TMEM63C: variants seen among roughly 807,000 people sequenced by gnomAD.
TMEM63C encodes the protein transmembrane protein 63C.
Under a neutral mutation model 99.2 loss-of-function variants are expected in TMEM63C, and 32 were observed. The ratio of observed to expected loss-of-function variants is 0.32; its 90% confidence interval spans 0.24 to 0.43. TMEM63C has a LOEUF of 0.43. Among genes scored for constraint, TMEM63C ranks in the 20% least tolerant of loss-of-function variants. TMEM63C has a pLI of 1.00. For missense variants in TMEM63C, 826 were observed against 1,053.0 expected (o/e 0.78, Z 2.98); for synonymous variants, 376 against 397.9 (o/e 0.94, Z 0.66).
At chr14:77,234,043 T>A (rs554076031) in intron 8 of TMEM63C, among the ~76,000 whole-genome samples, 7 of 152,166 alleles carry the variant, frequency 4.6e-5, no homozygotes, top group Non-Finnish European at 1.0e-4. Context: ...TCTAAGCTCC[T>A]TCCCCTCACA....
intron 1 of TMEM63C, among the ~76,000 whole-genome samples, chr14:77,198,460 T>G (rs1355974925): frequency 6.6e-6 from 1 of 152,202 alleles, no homozygotes; most frequent in Non-Finnish European, 1.5e-5. Flanking sequence ...GTCTGTGAAA[T>G]GCGGAGGATA....
At chr14:77,229,328 CAG>C (rs1888892712) in intron 6 of TMEM63C, among the ~76,000 whole-genome samples, 1 of 151,998 alleles carries the variant, frequency 6.6e-6, no homozygotes, top group South Asian at 2.1e-4. Flanking sequence ...ATCTGGGAGA[CAG>C]AGGTTGCAGT....
chr14:77,218,034 A>G (rs1336446909), intron 2 of TMEM63C, among the ~76,000 whole-genome samples: 4 of 152,176 alleles, frequency 2.6e-5, no homozygotes, highest in Non-Finnish European at 5.9e-5. Context: ...CAGGGTGACT[A>G]TAGTCAAAAA....
chr14:77,218,838 A>C lies in TMEM63C; in HGVS notation c.25A>C (p.Ser9Arg). ...GATGTCTGCCTCACCAGACGACCTG[A>C]GTACAGGGGGAAGGTTACAGAACAT... MSASPDDL[S>R]TGGRLQNMTV... Residue 9 changes from serine to arginine, a missense_variant, in exon 3 of 24, where the codon AGT becomes CGT. By Grantham distance (110) the Ser-to-Arg change is moderately radical (BLOSUM62 -1). Transcript: ENST00000298351. 6.2e-7 allele frequency: 1 copy of C among 1,613,548 alleles called. No individual in the cohort carries two copies. Among genetic ancestry groups the C allele is most frequent in the South Asian group, 1.1e-5 (1 of 90,950 alleles).
At chr14:77,207,189 A>G (rs1399899700) in intron 1 of TMEM63C, among the ~76,000 whole-genome samples, 1 of 152,220 alleles carries the variant, frequency 6.6e-6, no homozygotes, top group Non-Finnish European at 1.5e-5. Flanking sequence ...CTTCCTGGCA[A>G]GGAGAGGCAT....
chr14:77,205,365 T>C (rs1264930194), intron 1 of TMEM63C, among the ~76,000 whole-genome samples: 3 of 152,224 alleles, frequency 2.0e-5, no homozygotes, highest in Non-Finnish European at 2.9e-5. Flanking sequence ...CTTCTCACAC[T>C]GCGTTATCAC....
At chr14:77,244,280 A>G (rs1044870032) in intron 15 of TMEM63C, 69 bp from the exon 16 acceptor site, 12 of 1,203,028 alleles carry the variant, frequency 1.0e-5, no homozygotes, top group African/African-American at 3.0e-5. Context: ...GAGTGGGAGG[A>G]GAAGAAGCAA....
intron 23 of TMEM63C, among the ~76,000 whole-genome samples, chr14:77,254,394 T>G (rs8017563): frequency 0.049 from 7,528 of 152,156 alleles, 427 homozygotes; most frequent in African/African-American, 0.15. Context: ...TGAAAAACCC[T>G]ACACACAGGC....
At chr14:77,184,388 C>T (rs571872610) in intron 1 of TMEM63C, among the ~76,000 whole-genome samples, 5 of 152,162 alleles carry the variant, frequency 3.3e-5, no homozygotes, top group South Asian at 2.1e-4. Context: ...CTAGTGGCAC[C>T]GTGGAGCTTC....
At chr14:77,232,137 A>G (rs1241581597) in intron 7 of TMEM63C, among the ~76,000 whole-genome samples, 2 of 152,234 alleles carry the variant, frequency 1.3e-5, no homozygotes, top group Non-Finnish European at 2.9e-5. Context: ...TCATTGGAAC[A>G]GGGTGAGCCC....
intron 5 of TMEM63C, 25 bp downstream of exon 5, chr14:77,220,112 G>T: frequency 1.3e-6 from 2 of 1,549,212 alleles, no homozygotes; most frequent in Non-Finnish European, 1.7e-6. Flanking sequence ...CGGTCTGGGC[G>T]GTGGGAGTCC....
intron 23 of TMEM63C, among the ~76,000 whole-genome samples, chr14:77,255,659 A>G (rs534933331): frequency 1.3e-5 from 2 of 152,344 alleles, no homozygotes; most frequent in African/African-American, 2.4e-5. Context: ...TAGTGCTGCA[A>G]TTTACACTCA....
At chr14:77,190,642 A>C (rs1214669783) in intron 1 of TMEM63C, among the ~76,000 whole-genome samples, 1 of 152,258 alleles carries the variant, frequency 6.6e-6, no homozygotes, top group Non-Finnish European at 1.5e-5. Flanking sequence ...TGAACAAACT[A>C]ATAGCTCAAA....
chr14:77,194,424 GA>G (rs1888169412), intron 1 of TMEM63C, among the ~76,000 whole-genome samples: 1 of 150,464 alleles, frequency 6.6e-6, no homozygotes, highest in Admixed American at 6.6e-5. Context: ...GAAAATTTAG[GA>G]AATGATACTT....
In TMEM63C at chr14:77,231,626, G is replaced by A. The variant is rs202241964; in HGVS notation, c.389G>A (p.Arg130His). The A allele has an allele frequency of 7.1e-5, 110 of 1,551,424 alleles. No individual in the cohort carries two copies. Among genetic ancestry groups the A allele is most frequent in the East Asian group, 2.7e-4 (11 of 40,936 alleles). The change falls in exon 7 of 24, where the codon CGC (arginine) becomes CAC (histidine). Residue 130 changes from arginine (R) to histidine (H), a missense_variant. Transcript: ENST00000298351. ...DLINKCGDDA[R>H]IYIVFQYHLI... ...ATTAACAAGTGTGGGGACGACGCGC[G>A]CATCTACATCGTGTTCCAGTACCAC...
intron 1 of TMEM63C, among the ~76,000 whole-genome samples, chr14:77,194,553 C>CTTTCTTTCTT (rs56115104): frequency 1.6e-5 from 2 of 125,046 alleles, no homozygotes; most frequent in African/African-American, 3.2e-5. Flanking sequence ...TTCTTTCTTT[C>CTTTCTTTCTT]TCTTTCTTTC....
At chr14:77,186,787 G>GTGTGTGTGTGTGTGTGTA (rs1888002670) in intron 1 of TMEM63C, among the ~76,000 whole-genome samples, 5 of 116,488 alleles carry the variant, frequency 4.3e-5, no homozygotes, top group Non-Finnish European at 6.9e-5. Context: ...GTGTGTGTGT[G>GTGTGTGTGTGTGTGTGTA]TGTGTGTGTG....
chr14:77,198,259 C>T (rs1437387655), intron 1 of TMEM63C, among the ~76,000 whole-genome samples: 1 of 152,244 alleles, frequency 6.6e-6, no homozygotes, highest in Admixed American at 6.5e-5. Flanking sequence ...CAGAGACTAC[C>T]CATGATCTGG....
intron 1 of TMEM63C, among the ~76,000 whole-genome samples, chr14:77,184,730 A>G (rs1887969619): frequency 6.6e-6 from 1 of 152,134 alleles, no homozygotes; most frequent in African/African-American, 2.4e-5. Context: ...TTCACAGCTT[A>G]CACATCAGCA....
Sources: allele counts gnomAD v4.1 joint callset (sites outside exome capture counted in the v4.1 genomes callset), GRCh38; gene constraint gnomAD v4.1.1; transcripts MANE v1.5; gene names NCBI Gene and HGNC (gene_info 2026-07-23, HGNC 2026-07-21).